Variants in RNF111 observed in about 807,000 individuals in gnomAD.
RNF111 encodes the protein E3 ubiquitin-protein ligase Arkadia.
In RNF111, 17 loss-of-function variants were observed where a neutral mutation model predicts 95.1. The ratio of observed to expected loss-of-function variants is 0.18; its 90% CI spans 0.12 to 0.27. RNF111 has a LOEUF of 0.27. Ranked by LOEUF, RNF111 falls within the 10% of genes least tolerant of loss-of-function variation. The pLI, the probability that RNF111 is intolerant of heterozygous loss-of-function variation, is 1.00. For missense variants in RNF111, 1,189 were observed against 1,210.4 expected (o/e 0.98, Z 0.26); for synonymous variants, 440 against 414.8 (o/e 1.06, Z -0.74).
intron 5 of RNF111, among the ~76,000 whole-genome samples, chr15:59,059,563 T>G (rs564836048): frequency 6.6e-6 from 1 of 152,196 alleles, no homozygotes; most frequent in Non-Finnish European, 1.5e-5. Context: ...TTTGGTGATA[T>G]CCATTTTCTG....
intron 10 of RNF111, among the ~76,000 whole-genome samples, chr15:59,086,021 A>G (rs1462269550): frequency 1.3e-5 from 2 of 152,124 alleles, no homozygotes; most frequent in African/African-American, 2.4e-5. Flanking sequence ...GGTTTTTTGT[A>G]TACCAAGATA....
intron 5 of RNF111, among the ~76,000 whole-genome samples, chr15:59,060,168 C>G (rs1193616355): frequency 6.6e-6 from 1 of 152,158 alleles, no homozygotes. Flanking sequence ...CCACTGTACC[C>G]AGGGGTGTCT....
rs1485878376 is a variant in RNF111 at position 59,096,218 on chromosome 15, T to A, written c.*1318T>A. 5.1e-6 allele frequency: 2 copies of A among 396,038 alleles called. No homozygotes were observed. Among genetic ancestry groups the A allele is most frequent in the Non-Finnish European group, 8.9e-6 (2 of 224,564 alleles). The allele number at this position is 396,038 out of a possible 1,614,324, so 24.5% of individuals were successfully genotyped here. On this transcript the variant is annotated 3_prime_UTR_variant, in exon 14 of 14. Transcript: ENST00000348370. ...TAATCTACTTCAGGATGCATATTATTATCAAGATACTTTCATATACAGGAT... is the reference window on the plus strand; with the variant it reads ...TAATCTACTTCAGGATGCATATTATAATCAAGATACTTTCATATACAGGAT...
rs756524774 is a variant in RNF111, at chr15:59,058,432, A to G, written c.1248A>G (p.Pro416=). ...ATSASINNSN[P]STSEQASDTA... ...GCGCTTCCATTAACAATTCAAATCCATCTACCTCTGAGCAGGCCTCTGATA... is the reference window on the plus strand; with the variant it reads ...GCGCTTCCATTAACAATTCAAATCCGTCTACCTCTGAGCAGGCCTCTGATA... The change falls in exon 5 of 14, where the codon CCA becomes CCG. Residue 416 remains proline (P), a synonymous_variant. Coordinates refer to ENST00000348370, the MANE Select transcript of RNF111 (RefSeq NM_017610.8). 4 of 1,614,138 alleles carry G rather than the reference A, an allele frequency of 2.5e-6. No individual in the cohort carries two copies. In the South Asian group the frequency reaches 4.4e-5, roughly 18 times the overall value.
chr15:59,089,684 C>T lies in RNF111; in HGVS notation c.2568C>T (p.Gly856=), dbSNP rs766822871. 1.9e-6 allele frequency: 3 copies of T among 1,613,162 alleles called. No individual in the cohort carries two copies. The highest frequency in any genetic ancestry group is 2.5e-6 in the Non-Finnish European group (3 of 1,179,650). Residue 856 remains glycine, a synonymous_variant, in exon 11 of 14, where the codon GGC becomes GGT. Coordinates refer to ENST00000348370, the MANE Select transcript of RNF111 (RefSeq NM_017610.8). ...TGAAATAGGTTCCTGATATGGCAGG[C>T]TATCCTCACATCCGTTACATTTCAT... ...ALPLMVPDMA[G]YPHIRYISSG...
intron 2 of RNF111, among the ~76,000 whole-genome samples, chr15:59,046,329 T>TA (rs11412501): frequency 0.15 from 22,711 of 151,868 alleles, 3,468 homozygotes; most frequent in African/African-American, 0.39. Flanking sequence ...GGGTAGCTGG[T>TA]ACTGCAGGCA....
rs547070028 is a variant in RNF111, at chr15:58,996,041, G to A, written c.-20+7973G>A. 9.9e-5 allele frequency among the ~76,000 whole-genome samples: 15 copies of A among 152,006 alleles called. No individual in the cohort carries two copies. The South Asian group carries it at 1.9e-3, about 19-fold the overall frequency. Reference sequence around the variant, plus strand: ...TTTGAAGATTTTATGAAGTAATCACGTAAGACTCAGCAACTTATTGTCATA... The same window carrying A: ...TTTGAAGATTTTATGAAGTAATCACATAAGACTCAGCAACTTATTGTCATA... On this transcript the variant is annotated intron_variant, in intron 1 of 13. Transcript: ENST00000348370.
At chr15:58,990,216 T>C (rs1237700312) in intron 1 of RNF111, among the ~76,000 whole-genome samples, 1 of 152,236 alleles carries the variant, frequency 6.6e-6, no homozygotes, top group African/African-American at 2.4e-5. Flanking sequence ...TAGATAACTT[T>C]CGTTTTCTTT....
chr15:59,032,649 T>C (rs1292576910), intron 2 of RNF111, among the ~76,000 whole-genome samples: 1 of 152,170 alleles, frequency 6.6e-6, no homozygotes, highest in East Asian at 1.9e-4. Context: ...TTGAACTCCT[T>C]AGCTCAGGCG....
chr15:59,049,362 A>ATTTTTTTTTTTT (rs567223230), intron 2 of RNF111: 3 of 70,744 alleles, frequency 4.2e-5, no homozygotes, highest in East Asian at 3.5e-4. Flanking sequence ...GGTGTCTTTG[A>ATTTTTTTTTTTT]TTTTTTTTTT....
intron 1 of RNF111, among the ~76,000 whole-genome samples, chr15:58,993,944 G>A (rs551591396): frequency 6.6e-5 from 10 of 151,272 alleles, no homozygotes; most frequent in Non-Finnish European, 1.3e-4. Flanking sequence ...CAATGTTGTA[G>A]TCATTTCCCT....
At chr15:59,061,319 C>T (rs533214955) in intron 5 of RNF111, among the ~76,000 whole-genome samples, 1 of 152,280 alleles carries the variant, frequency 6.6e-6, no homozygotes. Context: ...CCGTCCTTAT[C>T]TTGTACCTTT....
At chr15:59,078,408 G>A (rs1244208400) in intron 7 of RNF111, among the ~76,000 whole-genome samples, 1 of 152,152 alleles carries the variant, frequency 6.6e-6, no homozygotes, top group Non-Finnish European at 1.5e-5. Flanking sequence ...TGGCTTGGTA[G>A]TATGAGCATG....
At chr15:58,990,113 G>A (rs1398131151) in intron 1 of RNF111, among the ~76,000 whole-genome samples, 1 of 152,154 alleles carries the variant, frequency 6.6e-6, no homozygotes, top group African/African-American at 2.4e-5. Context: ...CTAGATTTTA[G>A]ATCTATCTTT....
chr15:59,052,446 C>T lies in RNF111; in HGVS notation c.1007+15C>T, dbSNP rs770981816. ...GAAAGCTATCGGTGAGATTTTAATT[C>T]TTAGTTAAATGTTTGAAATATTAAA... On this transcript the variant is annotated intron_variant, in intron 3 of 13. Transcript: ENST00000348370. 2 of 1,534,376 alleles carry T rather than the reference C, an allele frequency of 1.3e-6. No homozygotes were observed. The highest frequency in any genetic ancestry group is 2.8e-5 in the African/African-American group (2 of 71,560).
intron 1 of RNF111, among the ~76,000 whole-genome samples, chr15:59,006,256 T>G (rs2039536175): frequency 6.6e-6 from 1 of 152,234 alleles, no homozygotes; most frequent in Admixed American, 6.5e-5. Flanking sequence ...TATGTATAGT[T>G]GGATGAATTT....
intron 2 of RNF111, among the ~76,000 whole-genome samples, chr15:59,033,598 A>G (rs2041021333): frequency 6.6e-6 from 1 of 152,252 alleles, no homozygotes; most frequent in African/African-American, 2.4e-5. Context: ...GCTCGAAGTC[A>G]GTGAGACAGG....
At chr15:59,040,155 C>A (rs2041379776) in intron 2 of RNF111, among the ~76,000 whole-genome samples, 1 of 151,688 alleles carries the variant, frequency 6.6e-6, no homozygotes, top group African/African-American at 2.4e-5. Flanking sequence ...CACTCTGTTG[C>A]CTAGGCTGGA....
Position 59,031,214 on chromosome 15 carries a change from A to T in RNF111, c.392A>T (p.Asp131Val). The T allele has an allele frequency of 6.2e-7, 1 of 1,614,206 alleles. No homozygotes were observed. Among genetic ancestry groups the T allele is most frequent in the Non-Finnish European group, 8.5e-7 (1 of 1,180,026 alleles). The change falls in exon 2 of 14, where the codon GAT becomes GTT. Residue 131 changes from aspartate (D) to valine (V), a missense_variant. By Grantham distance (152) the Asp-to-Val change is radical. This residue lies in a region of RNF111 where 1,024 missense variants were observed against 925.9 expected (regional missense o/e 1.11). Transcript: ENST00000348370. The stretch of plus-strand genomic sequence containing the variant: ...GGGACACCAAGTGATGAAGATAATG[A>T]TTCCTCTTTTAGTGATTGTCTTTCT... Reference protein sequence around the residue: ...HLGTPSDEDNDSSFSDCLSSP... With the variant: ...HLGTPSDEDNVSSFSDCLSSP...
Sources: allele counts gnomAD v4.1 joint callset (sites outside exome capture counted in the v4.1 genomes callset), GRCh38; gene constraint gnomAD v4.1.1; regional missense constraint gnomAD v4.1.1; transcripts MANE v1.5; gene names NCBI Gene and HGNC (gene_info 2026-07-23, HGNC 2026-07-21).